Variants in ZNRF1 observed in about 807,000 individuals in gnomAD.
ZNRF1 encodes E3 ubiquitin-protein ligase ZNRF1.
ZNRF1 carries 3 observed loss-of-function variants against 18.4 expected under a neutral mutation model. The observed-to-expected ratio is 0.16, with a 90% CI of 0.07 to 0.42. ZNRF1 has a LOEUF of 0.42. ZNRF1 is among the 10% of genes least tolerant of loss of function. The pLI is 0.99. For missense variants in ZNRF1, 310 were observed against 329.8 expected (o/e 0.94, Z 0.47); for synonymous variants, 157 against 144.2 (o/e 1.09, Z -0.64).
At chr16:75,041,801 G>A (rs1479078850) in intron 1 of ZNRF1, among the ~76,000 whole-genome samples, 1 of 150,228 alleles carries the variant, frequency 6.7e-6, no homozygotes, top group African/African-American at 2.4e-5. Context: ...TGGCCAACAT[G>A]GTGAAACCCC....
At chr16:75,057,885 C>A (rs2035687455) in intron 1 of ZNRF1, among the ~76,000 whole-genome samples, 1 of 152,216 alleles carries the variant, frequency 6.6e-6, no homozygotes, top group Non-Finnish European at 1.5e-5. Context: ...AGGTGATCCA[C>A]CTGCCTCAGC....
intron 1 of ZNRF1, among the ~76,000 whole-genome samples, chr16:75,089,447 A>G (rs1429747152): frequency 1.3e-5 from 2 of 152,150 alleles, no homozygotes; most frequent in African/African-American, 4.8e-5. Flanking sequence ...TAAAACAGAA[A>G]CACCAGAGGT....
rs141946232 is a variant in ZNRF1 at position 75,038,828 on chromosome 16, T to TA, written c.424+38735dup. ...CTCCCACTCCTTTGAGCCATACTGA[T>TA]AAGAGAAATTGAAAATAATTTAAGT... is the stretch of plus-strand genomic sequence containing the variant. On this transcript the variant is annotated intron_variant, in intron 1 of 4. Transcript: ENST00000335325. Among the ~76,000 whole-genome samples the TA allele has an allele frequency of 7.4e-3, 1,124 of 152,320 alleles. 13 individuals carry two copies. The highest frequency in any genetic ancestry group is 0.026 in the African/African-American group (1,065 of 41,556).
chr16:75,065,051 C>A (rs1441685462), intron 1 of ZNRF1, among the ~76,000 whole-genome samples: 1 of 152,208 alleles, frequency 6.6e-6, no homozygotes, highest in African/African-American at 2.4e-5. Context: ...GACCCTTGCT[C>A]AGCAACTCGT....
intron 1 of ZNRF1, among the ~76,000 whole-genome samples, chr16:75,057,428 A>G (rs943290719): frequency 5.9e-5 from 9 of 152,164 alleles, no homozygotes; most frequent in African/African-American, 1.7e-4. Context: ...AAGCTCCTTA[A>G]GAAGCAATTT....
rs909765877 is a variant in ZNRF1 at position 75,076,673 on chromosome 16, C to T, written c.425-16899C>T. Among the ~76,000 whole-genome samples the T allele has an allele frequency of 6.1e-5, 9 of 147,250 alleles. No individual in the cohort carries two copies. In the East Asian group the frequency reaches 6.4e-4, roughly 10 times the overall value. On this transcript the variant is annotated intron_variant, in intron 1 of 4. Transcript: ENST00000335325. ...TCCCAAGAGAGGATGCCATGTGCTA[C>T]GGACTGAATGTGTTTTATCCCCCTC...
intron 2 of ZNRF1, chr16:75,095,486 G>A (rs1340841662): frequency 8.6e-7 from 1 of 1,166,098 alleles, no homozygotes; most frequent in Non-Finnish European, 1.2e-6. Context: ...CCCTAGCCAT[G>A]GCCTCAAAAA....
chr16:75,095,957 G>A (rs1446040395), intron 2 of ZNRF1, among the ~76,000 whole-genome samples: 1 of 152,182 alleles, frequency 6.6e-6, no homozygotes, highest in Non-Finnish European at 1.5e-5. Flanking sequence ...GCCAGCCTGA[G>A]GCATGACCAC....
intron 1 of ZNRF1, among the ~76,000 whole-genome samples, chr16:75,019,921 C>T (rs943014913): frequency 6.6e-6 from 1 of 151,928 alleles, no homozygotes; most frequent in Admixed American, 6.6e-5. Context: ...GATGGGGGTT[C>T]GCCATGTTGC....
chr16:75,088,579 T>C lies in ZNRF1; in HGVS notation c.425-4993T>C, dbSNP rs138486603. On this transcript the variant is annotated intron_variant, in intron 1 of 4. Transcript: ENST00000335325. ...TAGCTGGTAGTATTTCTGTTCTTTC[T>C]GCCATGTAACTCTTCTGTGCTAGTC... Among the ~76,000 whole-genome samples the C allele has an allele frequency of 1.7e-4, 26 of 152,336 alleles. No individual in the cohort carries two copies. In the East Asian group the frequency reaches 4.8e-3, roughly 28 times the overall value.
At position 74,999,953 on chromosome 16, in the gene ZNRF1, C is replaced by T. The variant is rs1379430962; in HGVS notation, c.282C>T (p.Asp94=). The change falls in exon 1 of 5, where the codon GAC becomes GAT. Residue 94 remains aspartate (D), a synonymous_variant. Transcript: ENST00000335325. ...RAPGGGGSAS[D]STYAHGNGYQ... ...CCGGCGGCGGAGGGTCTGCGTCCGA[C>T]TCCACCTATGCCCATGGCAATGGTT... The T allele has an allele frequency of 1.3e-6, 2 of 1,576,476 alleles. No individual in the cohort carries two copies. The highest frequency in any genetic ancestry group is 1.7e-6 in the Non-Finnish European group (2 of 1,162,058).
chr16:75,104,744 GT>G, intron 2 of ZNRF1, 39 bp from the exon 3 acceptor site: 1 of 1,549,554 alleles, frequency 6.5e-7, no homozygotes, highest in South Asian at 1.2e-5. Flanking sequence ...CTGTCCACTG[GT>G]GACTAACCCT....
intron 1 of ZNRF1, among the ~76,000 whole-genome samples, chr16:75,034,846 C>G (rs1317230615): frequency 6.6e-6 from 1 of 151,928 alleles, no homozygotes; most frequent in East Asian, 1.9e-4. Flanking sequence ...AGGCTGGTCT[C>G]AAACTCCTGG....
At chr16:75,015,805 T>C (rs2035058442) in intron 1 of ZNRF1, among the ~76,000 whole-genome samples, 1 of 152,164 alleles carries the variant, frequency 6.6e-6, no homozygotes, top group East Asian at 1.9e-4. Flanking sequence ...ATAATTAAAT[T>C]AGAATGGGGC....
At chr16:75,072,433 A>G (rs1342776060) in intron 1 of ZNRF1, among the ~76,000 whole-genome samples, 2 of 152,154 alleles carry the variant, frequency 1.3e-5, no homozygotes, top group Non-Finnish European at 1.5e-5. Context: ...ATCACAAGGT[A>G]GTGCTCTGGC....
intron 1 of ZNRF1, among the ~76,000 whole-genome samples, chr16:75,013,702 A>G (rs986472005): frequency 2.6e-5 from 4 of 152,220 alleles, no homozygotes; most frequent in African/African-American, 9.6e-5. Flanking sequence ...TACTAAATGG[A>G]AAAGTCAGAG....
intron 1 of ZNRF1, among the ~76,000 whole-genome samples, chr16:75,043,746 AC>A (rs1175318883): frequency 2.1e-5 from 3 of 146,104 alleles, no homozygotes; most frequent in African/African-American, 7.6e-5. Flanking sequence ...CTGGTTTTCC[AC>A]GAAACCTGTT....
At chr16:75,042,211 A>G (rs1161121303) in intron 1 of ZNRF1, among the ~76,000 whole-genome samples, 9 of 152,230 alleles carry the variant, frequency 5.9e-5, no homozygotes, top group East Asian at 1.9e-4. Flanking sequence ...ATTTGCTTAT[A>G]TGGTATCTTT....
chr16:75,098,495 C>T (rs143430484), intron 2 of ZNRF1, among the ~76,000 whole-genome samples: 82 of 152,224 alleles, frequency 5.4e-4, no homozygotes, highest in African/African-American at 1.9e-3. Context: ...TCAAGGTCAC[C>T]CTGTTGCCTG....
Sources: allele counts gnomAD v4.1 joint callset (sites outside exome capture counted in the v4.1 genomes callset), GRCh38; gene constraint gnomAD v4.1.1; transcripts MANE v1.5; gene names NCBI Gene and HGNC (gene_info 2026-07-23, HGNC 2026-07-21).